The following ST6GAL1 variants were observed in gnomAD, a reference collection of about 807,000 sequenced individuals.
ST6GAL1 encodes the protein beta-galactoside alpha-2,6-sialyltransferase 1.
A neutral mutation model predicts 38.0 loss-of-function variants in ST6GAL1; 20 were observed. The ratio of observed to expected loss-of-function variants is 0.53; its 90% CI spans 0.37 to 0.77. ST6GAL1 has a LOEUF of 0.77. Ranked by LOEUF, ST6GAL1 falls within the 30% of genes least tolerant of loss-of-function variation. The pLI, the probability that ST6GAL1 is intolerant of heterozygous loss-of-function variation, is 0.00. For synonymous variants in ST6GAL1, 196 were observed against 188.2 expected (o/e 1.04, Z -0.34); for missense variants, 432 against 496.4 (o/e 0.87, Z 1.23).
chr3:187,066,835 A>G (rs1156522760), intron 5 of ST6GAL1, among the ~76,000 whole-genome samples: 9 of 151,980 alleles, frequency 5.9e-5, no homozygotes, highest in Non-Finnish European at 1.3e-4. Context: ...AGGATCTCCA[A>G]ACCCAGGTCA....
chr3:186,968,977 A>G (rs939947262), intron 2 of ST6GAL1, among the ~76,000 whole-genome samples: 2 of 151,616 alleles, frequency 1.3e-5, no homozygotes, highest in Non-Finnish European at 2.9e-5. Context: ...CTAGAATTCC[A>G]GGCACTTCAC....
intron 2 of ST6GAL1, among the ~76,000 whole-genome samples, chr3:186,965,603 C>T (rs1245021405): frequency 6.6e-6 from 1 of 152,214 alleles, no homozygotes. Flanking sequence ...AACCTCAGGC[C>T]ACTGAGCTGG....
chr3:187,006,254 A>G (rs1344374070), intron 2 of ST6GAL1: 2 of 152,292 alleles, frequency 1.3e-5, no homozygotes, highest in East Asian at 1.9e-4. Flanking sequence ...CTGATTTAGA[A>G]CATAAAACCT....
Position 186,954,276 on chromosome 3 carries a change from G to C in ST6GAL1, c.-324-9509G>C, listed in dbSNP as rs548527529. Among the ~76,000 whole-genome samples the C allele has an allele frequency of 2.0e-5, 3 of 152,300 alleles. No individual in the cohort carries two copies. In the South Asian group the frequency reaches 6.2e-4, roughly 32 times the overall value. On this transcript the variant is annotated intron_variant, in intron 1 of 7. Transcript: ENST00000169298. ...TTCCATATCTTTGCTATTGTGAATA[G>C]TGCTGCGATGAACATATGCGTGCAT... is the stretch of plus-strand genomic sequence containing the variant.
intron 4 of ST6GAL1, among the ~76,000 whole-genome samples, chr3:187,044,143 C>A (rs949778996): frequency 6.6e-6 from 1 of 152,200 alleles, no homozygotes; most frequent in South Asian, 2.1e-4. Flanking sequence ...TATTAATTTG[C>A]TTTTCTTGAA....
intron 3 of ST6GAL1, among the ~76,000 whole-genome samples, chr3:187,039,420 C>T (rs77430716): frequency 5.3e-5 from 8 of 152,164 alleles, no homozygotes; most frequent in Non-Finnish European, 2.9e-5. Context: ...AGGAGTTTTC[C>T]TTGAGCAGCA....
At chr3:187,012,993 C>CAGGG (rs1425281205) in intron 2 of ST6GAL1, among the ~76,000 whole-genome samples, 1 of 152,180 alleles carries the variant, frequency 6.6e-6, no homozygotes, top group African/African-American at 2.4e-5. Context: ...AGAGGGCTGG[C>CAGGG]AGGGGTGAGG....
chr3:187,024,288 G>T (rs1035370924), intron 2 of ST6GAL1, among the ~76,000 whole-genome samples: 1 of 151,418 alleles, frequency 6.6e-6, no homozygotes, highest in African/African-American at 2.4e-5. Flanking sequence ...AGAGACGGGG[G>T]TTTCACCATG....
At chr3:187,068,893 C>G (rs570064876) in intron 5 of ST6GAL1, among the ~76,000 whole-genome samples, 2 of 152,208 alleles carry the variant, frequency 1.3e-5, no homozygotes, top group African/African-American at 4.8e-5. Context: ...ATAGGGAGTA[C>G]TGGCCCTCTG....
At chr3:187,061,811 A>G (rs898878255) in intron 5 of ST6GAL1, among the ~76,000 whole-genome samples, 6 of 152,324 alleles carry the variant, frequency 3.9e-5, no homozygotes, top group African/African-American at 1.2e-4. Context: ...AGATTTGGCA[A>G]TGATTTCGTC....
rs933081754 is a variant in ST6GAL1, at chr3:187,076,160, C to T, written c.*357C>T. On this transcript the variant is annotated 3_prime_UTR_variant, in exon 8 of 8. Transcript: ENST00000169298. Reference sequence around the variant, plus strand: ...TCCCAGCAGAATGATGCCATTCTCACAAACCAATGCTCTATATTGCTTGAA... The same window carrying T: ...TCCCAGCAGAATGATGCCATTCTCATAAACCAATGCTCTATATTGCTTGAA... 2.2e-5 allele frequency: 6 copies of T among 268,892 alleles called. No homozygotes were observed. The highest frequency in any genetic ancestry group is 4.3e-5 in the Non-Finnish European group (6 of 140,742). 16.7% of individuals were successfully genotyped at this position (268,892 alleles called of 1,614,324 possible).
Position 187,075,602 on chromosome 3 carries a change from T to G in ST6GAL1, c.1020T>G (p.Ile340Met). Residue 340 changes from isoleucine (I) to methionine (M), a missense_variant, in exon 8 of 8, where the codon ATT (isoleucine) becomes ATG (methionine). Ile to Met is a conservative substitution (Grantham distance 10). Transcript: ENST00000169298. This position sits in a 1 kb window ranked among gnomAD's most constrained non-coding sequence, Gnocchi z 4.1. Reference sequence around the variant, plus strand: ...TGACGCTGTGTGACCAGGTGGATATTTATGAGTTCCTCCCATCCAAGCGCA... The same window carrying G: ...TGACGCTGTGTGACCAGGTGGATATGTATGAGTTCCTCCCATCCAAGCGCA... Reference protein sequence around the residue: ...IMMTLCDQVDIYEFLPSKRKT... With the variant: ...IMMTLCDQVDMYEFLPSKRKT... The G allele has an allele frequency of 3.7e-6, 6 of 1,614,114 alleles. No homozygotes were observed. The highest frequency in any genetic ancestry group is 5.1e-6 in the Non-Finnish European group (6 of 1,179,998).
At chr3:187,044,772 A>T (rs77026373) in intron 4 of ST6GAL1, among the ~76,000 whole-genome samples, 1 of 152,198 alleles carries the variant, frequency 6.6e-6, no homozygotes, top group African/African-American at 2.4e-5. Flanking sequence ...CTTTAATTTT[A>T]TGCACTCCTT....
At chr3:186,931,621 A>G (rs546607515) in intron 1 of ST6GAL1, among the ~76,000 whole-genome samples, 1 of 152,222 alleles carries the variant, frequency 6.6e-6, no homozygotes, top group South Asian at 2.1e-4. Context: ...TGGGTGCACT[A>G]TTGTCCCCGC....
Position 186,937,637 on chromosome 3 carries a change from A to T in ST6GAL1, c.-325+6803A>T, listed in dbSNP as rs536994950. Among the ~76,000 whole-genome samples, 60 of 102,188 alleles carry T rather than the reference A, an allele frequency of 5.9e-4. 2 individuals are homozygous for T. The East Asian group carries it at 0.023, about 39-fold the overall frequency. 67.0% of individuals were successfully genotyped at this position (102,188 alleles called of 152,430 possible). On this transcript the variant is annotated intron_variant, in intron 1 of 7. Coordinates refer to ENST00000169298, the MANE Select transcript of ST6GAL1 (RefSeq NM_173216.2). ...TTCAAAGGAGGAGGCAGGGGTAACA[A>T]GAGATTAGTGCAGGATGCCGTGCGA...
At chr3:187,017,797 G>A (rs1404444645) in intron 2 of ST6GAL1, among the ~76,000 whole-genome samples, 1 of 152,166 alleles carries the variant, frequency 6.6e-6, no homozygotes. Context: ...AAGAACGGCC[G>A]CCTGGCGCGA....
Position 187,077,207 on chromosome 3 carries a change from A to T in ST6GAL1, c.*1404A>T. On this transcript the variant is annotated 3_prime_UTR_variant, in exon 8 of 8. Coordinates refer to ENST00000169298, the MANE Select transcript of ST6GAL1 (RefSeq NM_173216.2). ...CTCTTCCTTGCAAGTGAGCAACTTC[A>T]GGCTCTCTGGGCAGAGGCTGGCCCA... The T allele has an allele frequency of 2.6e-6, 1 of 381,348 alleles. No individual in the cohort carries two copies. 23.6% of individuals were successfully genotyped at this position (381,348 alleles called of 1,614,324 possible).
rs532373911 is a variant in ST6GAL1 at position 186,982,962 on chromosome 3, A to G, written c.-183+19036A>G. On this transcript the variant is annotated intron_variant, in intron 2 of 7. Transcript: ENST00000169298. ...CTCCCGAAGTGCTGGGATTACAGGCATGAGCCACCGCGCCCAGCCCCAATT... is the reference window on the plus strand; with the variant it reads ...CTCCCGAAGTGCTGGGATTACAGGCGTGAGCCACCGCGCCCAGCCCCAATT... Among the ~76,000 whole-genome samples the G allele has an allele frequency of 1.1e-4, 17 of 152,042 alleles. No homozygotes were observed. The South Asian group carries it at 3.5e-3, about 32-fold the overall frequency.
intron 2 of ST6GAL1, among the ~76,000 whole-genome samples, chr3:186,974,404 C>T (rs145226011): frequency 7.9e-5 from 12 of 152,096 alleles, no homozygotes; most frequent in African/African-American, 2.4e-4. Flanking sequence ...ATCACTCAGC[C>T]GAACAGTGAG....
Sources: gnomAD v4.1 joint callset for allele counts (sites outside exome capture counted in the v4.1 genomes callset) on GRCh38, gnomAD v4.1.1 for gene constraint, Gnocchi (gnomAD v3.1) non-coding constraint, MANE v1.5 for transcripts, NCBI Gene and HGNC (gene_info 2026-07-23, HGNC 2026-07-21) for gene names.